Variants in TRMT11 observed in about 807,000 individuals in gnomAD.
TRMT11 encodes tRNA methyltransferase 11.
In TRMT11, 53 loss-of-function variants were observed where a neutral mutation model predicts 62.8. The ratio of observed to expected loss-of-function variants is 0.84; its 90% CI spans 0.68 to 1.06. The LOEUF is 1.06. Ranked by LOEUF, TRMT11 falls within the 50% of genes least tolerant of loss-of-function variation. The pLI, the probability that TRMT11 is intolerant of heterozygous loss-of-function variation, is 0.00. For synonymous variants in TRMT11, 188 were observed against 190.3 expected, an observed-to-expected ratio of 0.99 and a Z score of 0.10; for missense variants, 556 against 553.4, an observed-to-expected ratio of 1.00 and a Z score of -0.05.
intron 17 of TRMT11, among the ~76,000 whole-genome samples, chr6:126,096,065 G>T (rs557165753): frequency 8.5e-5 from 13 of 152,208 alleles, no homozygotes; most frequent in Non-Finnish European, 1.6e-4. Flanking sequence ...TGCAGAAAAT[G>T]AAGAGCTAAT....
intron 17 of TRMT11, among the ~76,000 whole-genome samples, chr6:126,088,967 C>A (rs1777243969): frequency 6.6e-6 from 1 of 152,126 alleles, no homozygotes; most frequent in Non-Finnish European, 1.5e-5. Context: ...AGAATTAGTT[C>A]TCAATTATTT....
At chr6:126,235,835 C>G in the TRMT11 span, among the ~76,000 whole-genome samples, 2 of 152,152 alleles carry the variant, frequency 1.3e-5, no homozygotes, top group Non-Finnish European at 2.9e-5. Flanking sequence ...GCTACCCATC[C>G]TGCACATGTA....
At chr6:126,052,930 A>G (rs1776259700) in intron 16 of TRMT11, among the ~76,000 whole-genome samples, 1 of 152,178 alleles carries the variant, frequency 6.6e-6, no homozygotes, top group East Asian at 1.9e-4. Context: ...TAAGGAAACA[A>G]GAAGGGCAGG....
intron 21 of TRMT11, among the ~76,000 whole-genome samples, chr6:126,158,393 G>T (rs908219534): frequency 2.6e-5 from 4 of 152,154 alleles, no homozygotes; most frequent in African/African-American, 9.7e-5. Flanking sequence ...TTAGCAGCTG[G>T]ATCCAGACAC....
intron 17 of TRMT11, among the ~76,000 whole-genome samples, chr6:126,055,676 G>A (rs1195754040): frequency 1.3e-5 from 2 of 152,152 alleles, no homozygotes; most frequent in Non-Finnish European, 1.5e-5. Flanking sequence ...TAAAGGAATT[G>A]ACGTTTTTTC....
chr6:125,995,580 TG>T (rs2128750813), intron 2 of TRMT11, among the ~76,000 whole-genome samples: 1 of 152,322 alleles, frequency 6.6e-6, no homozygotes, highest in Admixed American at 6.5e-5. Flanking sequence ...AAAGGTCTCA[TG>T]TAGCAACTAA....
At chr6:126,155,557 A>G (rs989772905) in intron 21 of TRMT11, among the ~76,000 whole-genome samples, 3 of 152,198 alleles carry the variant, frequency 2.0e-5, no homozygotes, top group Admixed American at 2.0e-4. Context: ...TCTGAGACTC[A>G]TCTTCCACCT....
intron 21 of TRMT11, among the ~76,000 whole-genome samples, chr6:126,164,401 G>A (rs527297148): frequency 6.6e-6 from 1 of 152,232 alleles, no homozygotes; most frequent in South Asian, 2.1e-4. Flanking sequence ...CCAATTATGT[G>A]GTCAGTTTTA....
chr6:126,215,332 C>A, the TRMT11 span, among the ~76,000 whole-genome samples: 1 of 151,836 alleles, frequency 6.6e-6, no homozygotes. Flanking sequence ...CTCTCTTTAT[C>A]TCTAATAATA....
At chr6:126,120,966 A>C (rs1418652612) in intron 21 of TRMT11, among the ~76,000 whole-genome samples, 2 of 152,056 alleles carry the variant, frequency 1.3e-5, no homozygotes, top group East Asian at 3.9e-4. Flanking sequence ...CATTTTGGTG[A>C]TCTTCCCTTC....
At chr6:125,987,634 G>A (rs1038960429) in intron 1 of TRMT11, among the ~76,000 whole-genome samples, 1 of 152,156 alleles carries the variant, frequency 6.6e-6, no homozygotes, top group African/African-American at 2.4e-5. Context: ...AGATTAAGAA[G>A]GTCTGACCTA....
At chr6:126,114,376 A>T (rs989871905) in intron 18 of TRMT11, among the ~76,000 whole-genome samples, 2 of 152,088 alleles carry the variant, frequency 1.3e-5, no homozygotes, top group African/African-American at 4.8e-5. Flanking sequence ...ACATCCAGGA[A>T]AAAGTAGAAC....
the TRMT11 span, among the ~76,000 whole-genome samples, chr6:126,242,196 A>G: frequency 1.3e-5 from 2 of 152,200 alleles, no homozygotes; most frequent in Non-Finnish European, 2.9e-5. Context: ...TGCTTCAAAG[A>G]AAATAAAATA....
intron 1 of TRMT11, among the ~76,000 whole-genome samples, chr6:126,185,185 T>C (rs1316484020): frequency 6.6e-6 from 1 of 152,184 alleles, no homozygotes; most frequent in South Asian, 2.1e-4. Context: ...TTTCCTTGAT[T>C]CATATATTTA....
chr6:126,070,780 T>A (rs1776828605), intron 17 of TRMT11, among the ~76,000 whole-genome samples: 1 of 152,246 alleles, frequency 6.6e-6, no homozygotes, highest in Non-Finnish European at 1.5e-5. Flanking sequence ...CATTTAATTC[T>A]GAAAATAACA....
At chr6:126,113,597 G>A (rs938154978) in intron 18 of TRMT11, among the ~76,000 whole-genome samples, 2 of 152,032 alleles carry the variant, frequency 1.3e-5, no homozygotes, top group Non-Finnish European at 2.9e-5. Context: ...CACTGATTGT[G>A]TGTCAGCCAA....
chr6:126,071,864 G>A (rs1213266416), intron 17 of TRMT11, among the ~76,000 whole-genome samples: 2 of 152,038 alleles, frequency 1.3e-5, no homozygotes, highest in East Asian at 1.9e-4. Flanking sequence ...GAATCATCTC[G>A]AGAGTTCTTT....
intron 12 of TRMT11, among the ~76,000 whole-genome samples, chr6:126,025,696 C>G (rs1772929831): frequency 6.6e-6 from 1 of 152,198 alleles, no homozygotes; most frequent in African/African-American, 2.4e-5. Flanking sequence ...AAACAGTCCT[C>G]ACACACCTCT....
the TRMT11 span, among the ~76,000 whole-genome samples, chr6:126,250,337 G>A: frequency 4.9e-4 from 74 of 152,224 alleles, no homozygotes; most frequent in Non-Finnish European, 9.6e-4. Context: ...CAGCAGGTAT[G>A]AATATAAGCT....
Sources: gnomAD v4.1 joint callset for allele counts (sites outside exome capture counted in the v4.1 genomes callset) on GRCh38, gnomAD v4.1.1 for gene constraint, MANE v1.5 for transcripts, NCBI Gene and HGNC (gene_info 2026-07-23, HGNC 2026-07-21) for gene names.